Variants in GABRB1 observed in about 807,000 individuals in gnomAD.
GABRB1 encodes the protein gamma-aminobutyric acid type A receptor subunit beta1.
GABRB1 carries 17 observed loss-of-function variants against 51.6 expected under a neutral mutation model. The observed-to-expected ratio is 0.33, with a 90% CI of 0.23 to 0.49. The LOEUF is 0.49. Ranked by LOEUF, GABRB1 falls within the 20% of genes least tolerant of loss-of-function variation. The probability of loss-of-function intolerance (pLI) is 0.99; values close to 1 mark genes in which losing one functional copy is unlikely to be tolerated. For synonymous variants in GABRB1, 247 were observed against 218.9 expected (o/e 1.13, Z -1.14); for missense variants, 410 against 600.6 (o/e 0.68, Z 3.32).
At chr4:47,418,352 G>A (rs1728992737) in intron 8 of GABRB1, among the ~76,000 whole-genome samples, 1 of 152,188 alleles carries the variant, frequency 6.6e-6, no homozygotes, top group Admixed American at 6.5e-5. Context: ...AAATCTGCAG[G>A]GCTTGCTGGA....
intron 4 of GABRB1, among the ~76,000 whole-genome samples, chr4:47,318,942 T>C (rs1269550212): frequency 6.6e-6 from 1 of 152,084 alleles, no homozygotes; most frequent in Non-Finnish European, 1.5e-5. Context: ...AAATACTCTA[T>C]GCAAATAGAA....
chr4:47,258,923 A>G (rs1354718775), intron 4 of GABRB1, among the ~76,000 whole-genome samples: 2 of 152,172 alleles, frequency 1.3e-5, no homozygotes, highest in Non-Finnish European at 2.9e-5. Context: ...CACAGAAACT[A>G]TTGATAAAAT....
intron 1 of GABRB1, among the ~76,000 whole-genome samples, chr4:47,000,754 G>A (rs985176275): frequency 2.2e-4 from 33 of 152,276 alleles, no homozygotes; most frequent in African/African-American, 7.5e-4. Context: ...CACATAACAT[G>A]ATGATCTTGG....
intron 4 of GABRB1, among the ~76,000 whole-genome samples, chr4:47,293,557 G>T (rs1366691485): frequency 2.0e-5 from 3 of 152,068 alleles, no homozygotes; most frequent in Non-Finnish European, 4.4e-5. Flanking sequence ...GATATCTATA[G>T]ATATAGATAT....
intron 3 of GABRB1, among the ~76,000 whole-genome samples, chr4:47,076,872 G>T (rs1226055288): frequency 6.6e-6 from 1 of 152,046 alleles, no homozygotes; most frequent in Non-Finnish European, 1.5e-5. Flanking sequence ...CCCATTTTAG[G>T]CTTTGCTTCT....
intron 5 of GABRB1, among the ~76,000 whole-genome samples, chr4:47,386,179 C>A (rs1727789948): frequency 6.6e-6 from 1 of 152,142 alleles, no homozygotes; most frequent in Admixed American, 6.5e-5. Flanking sequence ...GTCTTTTTGA[C>A]AACCAGCCCC....
intron 8 of GABRB1, among the ~76,000 whole-genome samples, chr4:47,425,059 AG>A (rs1248637869): frequency 2.6e-5 from 4 of 152,234 alleles, no homozygotes; most frequent in Non-Finnish European, 5.9e-5. Context: ...AATACTACAA[AG>A]TAAAACAAAC....
chr4:47,314,479 A>G (rs1444101566), intron 4 of GABRB1, among the ~76,000 whole-genome samples: 2 of 152,062 alleles, frequency 1.3e-5, no homozygotes, highest in Non-Finnish European at 2.9e-5. Flanking sequence ...GGAGTGGTTA[A>G]CTAACCAGAT....
At chr4:47,325,415 A>G (rs1409347471) in intron 5 of GABRB1, among the ~76,000 whole-genome samples, 3 of 141,722 alleles carry the variant, frequency 2.1e-5, no homozygotes, top group Admixed American at 1.4e-4. Flanking sequence ...AGCCTGAGGG[A>G]TAGCCTCAGA....
At chr4:47,016,812 A>G (rs1214370393) in intron 1 of GABRB1, among the ~76,000 whole-genome samples, 1 of 152,036 alleles carries the variant, frequency 6.6e-6, no homozygotes, top group Middle Eastern at 3.4e-3. Context: ...CTGGTCTCCA[A>G]CTCCTGACTT....
chr4:47,367,525 T>C (rs763742683), intron 5 of GABRB1, among the ~76,000 whole-genome samples: 4 of 152,122 alleles, frequency 2.6e-5, no homozygotes, highest in Non-Finnish European at 4.4e-5. Flanking sequence ...AAAAGAAAAA[T>C]GCTGGTAATT....
intron 5 of GABRB1, among the ~76,000 whole-genome samples, chr4:47,354,275 AT>A (rs920574710): frequency 1.1e-4 from 16 of 152,160 alleles, no homozygotes; most frequent in African/African-American, 3.9e-4. Flanking sequence ...ATAGATCACA[AT>A]TTTTTATTAT....
chr4:47,040,526 G>T (rs1725794152), intron 3 of GABRB1, among the ~76,000 whole-genome samples: 2 of 152,108 alleles, frequency 1.3e-5, no homozygotes, highest in African/African-American at 4.8e-5. Context: ...GGCTGCATGT[G>T]CCTAGGGAGG....
chr4:47,168,401 T>C (rs771007743), intron 4 of GABRB1, among the ~76,000 whole-genome samples: 3 of 152,214 alleles, frequency 2.0e-5, no homozygotes, highest in Admixed American at 6.5e-5. Flanking sequence ...ACATCTCTTT[T>C]ACTCTACAGT....
intron 3 of GABRB1, among the ~76,000 whole-genome samples, chr4:47,062,063 G>A (rs1280472317): frequency 6.6e-6 from 1 of 152,028 alleles, no homozygotes; most frequent in Non-Finnish European, 1.5e-5. Context: ...CATTTATGCT[G>A]CTTTGCACCT....
At chr4:47,284,359 T>C (rs1723425543) in intron 4 of GABRB1, among the ~76,000 whole-genome samples, 1 of 152,112 alleles carries the variant, frequency 6.6e-6, no homozygotes, top group African/African-American at 2.4e-5. Context: ...CAAGCAGGAA[T>C]AAACCAAGAA....
At chr4:47,092,827 C>T (rs1316461754) in intron 3 of GABRB1, among the ~76,000 whole-genome samples, 2 of 152,106 alleles carry the variant, frequency 1.3e-5, no homozygotes, top group African/African-American at 2.4e-5. Flanking sequence ...CTTGGCCAGG[C>T]TGCTCTTGAA....
At chr4:47,091,383 T>G (rs1728283684) in intron 3 of GABRB1, among the ~76,000 whole-genome samples, 1 of 152,166 alleles carries the variant, frequency 6.6e-6, no homozygotes, top group Admixed American at 6.5e-5. Context: ...CAAAACATAA[T>G]GGTATACAGC....
chr4:47,251,017 G>T (rs1331910908), intron 4 of GABRB1, among the ~76,000 whole-genome samples: 1 of 152,078 alleles, frequency 6.6e-6, no homozygotes, highest in Non-Finnish European at 1.5e-5. Flanking sequence ...GGGTGTTAAA[G>T]AGTTTTGTTT....
Sources: gnomAD v4.1 joint callset for allele counts (sites outside exome capture counted in the v4.1 genomes callset) on GRCh38, gnomAD v4.1.1 for gene constraint, MANE v1.5 for transcripts, NCBI Gene and HGNC (gene_info 2026-07-23, HGNC 2026-07-21) for gene names.